The following TMEM200C variants were observed in gnomAD, a reference collection of about 807,000 sequenced individuals.
The protein encoded by TMEM200C is transmembrane protein TTMA.
For missense variants in TMEM200C, 966 were observed against 699.9 expected (o/e 1.38, Z -4.29); for synonymous variants, 462 against 324.7 (o/e 1.42, Z -4.55).
intron 2 of TMEM200C, among the ~76,000 whole-genome samples, chr18:5,893,929 ACTGT>A (rs2095173545): frequency 6.6e-6 from 1 of 152,182 alleles, no homozygotes; most frequent in Non-Finnish European, 1.5e-5. Flanking sequence ...AAAAGAGCTT[ACTGT>A]CTATCTCTAA....
chr18:5,886,997 T>C (rs1212953493), exon 3 of TMEM200C: 1 of 152,204 alleles, frequency 6.6e-6, no homozygotes, highest in Non-Finnish European at 1.5e-5. Flanking sequence ...TATTAGTTCA[T>C]TTAATCTTTA....
exon 3 of TMEM200C, chr18:5,890,671 C>G: frequency 1.7e-6 from 1 of 585,538 alleles, no homozygotes. Context: ...CGCAAGGCCG[C>G]GTACCTGCCG....
chr18:5,888,439 C>T (rs2095167093), exon 3 of TMEM200C: 1 of 152,114 alleles, frequency 6.6e-6, no homozygotes, highest in South Asian at 2.1e-4. Flanking sequence ...TCACTCTTTG[C>T]CAAGTTGTAG....
intron 2 of TMEM200C, among the ~76,000 whole-genome samples, chr18:5,893,904 T>C (rs1344268814): frequency 2.0e-5 from 3 of 149,592 alleles, no homozygotes; most frequent in Non-Finnish European, 4.4e-5. Context: ...TAAGTACAGA[T>C]TGAAACAAAC....
exon 3 of TMEM200C, chr18:5,886,192 A>C (rs1335486832): frequency 1.3e-5 from 2 of 152,156 alleles, no homozygotes; most frequent in Non-Finnish European, 2.9e-5. Context: ...TACTGAAGAA[A>C]AAAATTAATA....
rs2095169447 is a variant in TMEM200C, at chr18:5,890,620, G to T, written c.1444C>A (p.Pro482Thr). The T allele has an allele frequency of 3.0e-6, 3 of 1,001,480 alleles. No homozygotes were observed. In the East Asian group the frequency reaches 9.8e-5, roughly 33 times the overall value. The allele number at this position is 1,001,480 out of a possible 1,614,324, so 62.0% of individuals were successfully genotyped here. A position where few individuals can be genotyped will look rare whatever the true frequency, so the allele number is the denominator to read the frequency against. ...GGGGAGGGCGGGGGCTCGGGGGACG[G>T]CGGCGCCCGGTAGTCCGGGAGCCCG... Residue 482 changes from proline (P) to threonine (T), a missense_variant, in exon 3 of 3, where the codon CCG becomes ACG. By Grantham distance (38) the Pro-to-Thr change is conservative. Coordinates refer to ENST00000581347, the Ensembl canonical transcript of TMEM200C.
intron 2 of TMEM200C, among the ~76,000 whole-genome samples, chr18:5,894,782 G>A (rs2095174350): frequency 6.6e-6 from 1 of 152,238 alleles, no homozygotes; most frequent in African/African-American, 2.4e-5. Context: ...GGAGTCACAT[G>A]AGTGCAGCAG....
exon 3 of TMEM200C, chr18:5,884,004 G>T (rs1457876531): frequency 1.3e-5 from 2 of 152,126 alleles, no homozygotes; most frequent in African/African-American, 2.4e-5. Flanking sequence ...TCTCAGTTAA[G>T]AAGCCCTGCT....
At chr18:5,892,291 AGGCCGTGTACAGAGGCT>A in intron 2 of TMEM200C, 134 bp from the exon 2 acceptor site, 1 of 586,348 alleles carries the variant, frequency 1.7e-6, no homozygotes, top group East Asian at 2.8e-5. Context: ...AACTGAAACA[AGGCCGTGTACAGAGGCT>A]GGAGCCAGGT....
intron 2 of TMEM200C, among the ~76,000 whole-genome samples, 151 bp from the exon 2 acceptor site, chr18:5,892,308 T>C (rs1366077754): frequency 6.6e-6 from 1 of 152,180 alleles, no homozygotes; most frequent in African/African-American, 2.4e-5. Context: ...GTACAGAGGC[T>C]GGAGCCAGGT....
intron 1 of TMEM200C, among the ~76,000 whole-genome samples, 111 bp from the exon 1 acceptor site, chr18:5,895,633 C>T (rs547611158): frequency 0.011 from 1,652 of 147,942 alleles, 42 homozygotes; most frequent in African/African-American, 0.038. Flanking sequence ...TTCCCCGCTC[C>T]CCCGCGTCCT....
At chr18:5,882,615 T>G (rs561941592) in exon 3 of TMEM200C, 12 of 152,296 alleles carry the variant, frequency 7.9e-5, no homozygotes, top group African/African-American at 2.6e-4. Context: ...CAATTTACTC[T>G]CTATTTGAGA....
chr18:5,890,487 T>C (rs780592441), exon 3 of TMEM200C: 149 of 1,551,562 alleles, frequency 9.6e-5, no homozygotes, highest in Non-Finnish European at 1.2e-4. Context: ...GTCATCCGAC[T>C]GGGAGCTCCC....
chr18:5,892,754 C>T (rs1048936025), intron 2 of TMEM200C, among the ~76,000 whole-genome samples: 2 of 152,060 alleles, frequency 1.3e-5, no homozygotes, highest in African/African-American at 4.8e-5. Context: ...GGCAGGCAGG[C>T]GGTTTATTTA....
rs1599526826 is a variant in TMEM200C at position 5,891,395 on chromosome 18, G to C, written c.669C>G (p.Ala223=). The C allele has an allele frequency of 3.7e-6, 5 of 1,343,074 alleles. No individual in the cohort carries two copies. The East Asian group carries it at 1.2e-4, about 33-fold the overall frequency. The allele number at this position is 1,343,074 out of a possible 1,614,324, so 83.2% of individuals were successfully genotyped here. The change falls in exon 3 of 3, where the codon GCC becomes GCG. Residue 223 remains alanine (A), a synonymous_variant. Coordinates refer to ENST00000581347, the Ensembl canonical transcript of TMEM200C. The surrounding 1 kb of genome is among the most constrained non-coding windows in gnomAD (Gnocchi z 4.7). ...AAGAGGCGGCGGCGGCCGCGGCGGC[G>C]GCCGCGGCGGCCGCCAGGTCTTTGG...
rs1299815796 is a variant in TMEM200C at position 5,891,711 on chromosome 18, C to A, written c.353G>T (p.Arg118Met). ...ACTGGAGTTGACACCCCCTGGAGCC[C>A]TAGGGTGGCTCCTGGACCGGTTTTT... The change falls in exon 3 of 3, where the codon AGG (arginine) becomes ATG (methionine). Residue 118 changes from arginine to methionine, a missense_variant. Transcript: ENST00000581347. This position sits in a 1 kb window ranked among gnomAD's most constrained non-coding sequence, Gnocchi z 4.7. 8.1e-6 allele frequency: 13 copies of A among 1,613,248 alleles called. No individual in the cohort carries two copies. Among genetic ancestry groups the A allele is most frequent in the Non-Finnish European group, 8.5e-6 (10 of 1,179,820 alleles).
exon 3 of TMEM200C, chr18:5,890,360 C>G (rs1221805184): frequency 2.5e-6 from 4 of 1,596,182 alleles, no homozygotes; most frequent in Non-Finnish European, 3.4e-6. Context: ...GCTCCGCACC[C>G]AGAACGGGGG....
chr18:5,890,951 G>A (rs1183567642), exon 3 of TMEM200C: 1 of 666,530 alleles, frequency 1.5e-6, no homozygotes, highest in Admixed American at 2.2e-5. Flanking sequence ...AGGAGTCCAC[G>A]AAGGAGCTGG....
chr18:5,883,588 C>T (rs992356234), exon 3 of TMEM200C: 6 of 152,018 alleles, frequency 3.9e-5, no homozygotes, highest in African/African-American at 2.4e-5. Context: ...AACAAAAAAA[C>T]GGATGTTTAT....
Sources: gnomAD v4.1 joint callset for allele counts (sites outside exome capture counted in the v4.1 genomes callset) on GRCh38, gnomAD v4.1.1 for gene constraint, Gnocchi (gnomAD v3.1) non-coding constraint, MANE v1.5 for transcripts, NCBI Gene and HGNC (gene_info 2026-07-23, HGNC 2026-07-21) for gene names.